Variants in SLC39A11 observed in about 807,000 individuals in gnomAD.
SLC39A11 encodes the protein solute carrier family 39 member 11.
In SLC39A11, 33 loss-of-function variants were observed where a neutral mutation model predicts 36.1. The ratio of observed to expected loss-of-function variants is 0.91; its 90% CI spans 0.69 to 1.22. SLC39A11 has a LOEUF of 1.22. Among genes scored for constraint, SLC39A11 ranks in the 50% most tolerant of loss-of-function variants. The pLI is 0.00. For synonymous variants in SLC39A11, 166 were observed against 170.3 expected (o/e 0.97, Z 0.20); for missense variants, 432 against 430.3 (o/e 1.00, Z -0.03).
intron 5 of SLC39A11, among the ~76,000 whole-genome samples, chr17:72,940,103 C>T (rs1285792150): frequency 6.6e-6 from 1 of 152,190 alleles, no homozygotes; most frequent in Non-Finnish European, 1.5e-5. Context: ...CAGGAGAGAA[C>T]TTCTACACAT....
chr17:72,743,634 C>G lies in SLC39A11; in HGVS notation c.602-6915G>C, dbSNP rs1025478584. 5.7e-4 allele frequency among the ~76,000 whole-genome samples: 86 copies of G among 151,952 alleles called. 1 individual carries two copies. Among genetic ancestry groups the G allele is most frequent in the African/African-American group, 2.0e-3 (81 of 41,362 alleles). The stretch of plus-strand genomic sequence containing the variant: ...CGTGTCTGAAAACAGAGGTGATCCC[C>G]GAGAGCTAAGCTCATGAGAAGGCAG... On this transcript the variant is annotated intron_variant, in intron 6 of 9. Transcript: ENST00000255559.
At chr17:72,771,346 A>C (rs2075933157) in intron 6 of SLC39A11, among the ~76,000 whole-genome samples, 2 of 114,418 alleles carry the variant, frequency 1.7e-5, no homozygotes, top group East Asian at 2.5e-4. Flanking sequence ...ACAGAGCGAG[A>C]CCCTATCTAA....
At chr17:73,017,998 A>T (rs1432798434) in intron 4 of SLC39A11, among the ~76,000 whole-genome samples, 1 of 152,212 alleles carries the variant, frequency 6.6e-6, no homozygotes, top group Non-Finnish European at 1.5e-5. Context: ...TAGTCTTAGC[A>T]AGGAAATCTC....
intron 4 of SLC39A11, among the ~76,000 whole-genome samples, chr17:72,980,143 T>C (rs2148160610): frequency 1.3e-5 from 2 of 152,290 alleles, no homozygotes; most frequent in East Asian, 3.9e-4. Context: ...TGTACAAATC[T>C]CAAAGAATCA....
intron 6 of SLC39A11, among the ~76,000 whole-genome samples, chr17:72,848,725 A>C (rs1443892198): frequency 6.6e-6 from 1 of 151,960 alleles, no homozygotes; most frequent in African/African-American, 2.4e-5. Flanking sequence ...TGTCTTAAAA[A>C]AAAAAAAAGA....
At chr17:72,664,572 C>T (rs564073272) in intron 7 of SLC39A11, among the ~76,000 whole-genome samples, 39 of 152,310 alleles carry the variant, frequency 2.6e-4, no homozygotes, top group African/African-American at 8.7e-4. Context: ...TCCATCATGT[C>T]CTTCCTGGGC....
rs1348629023 is a variant in SLC39A11, at chr17:73,092,624, CCAGCCCCCACTGCACTTCCAT to C, written c.-46_-26del. 6.5e-6 allele frequency: 1 copy of C among 153,090 alleles called. No individual in the cohort carries two copies. Among genetic ancestry groups the C allele is most frequent in the East Asian group, 1.9e-4 (1 of 5,220 alleles). 9.5% of individuals were successfully genotyped at this position (153,090 alleles called of 1,614,324 possible). On this transcript the variant is annotated 5_prime_UTR_variant, in exon 1 of 10. It removes an upstream start codon present in the reference 5' UTR. Transcript: ENST00000255559. Reference sequence around the variant, plus strand: ...AAGCCAACTCACTAGGGTGCCCTCTCCAGCCCCCACTGCACTTCCATCAGCCCCCGCTGCCACTCTCTCGCC... The same window carrying C: ...AAGCCAACTCACTAGGGTGCCCTCTCCAGCCCCCGCTGCCACTCTCTCGCC...
intron 7 of SLC39A11, among the ~76,000 whole-genome samples, chr17:72,649,649 T>TC (rs1414671073): frequency 1.3e-5 from 2 of 150,330 alleles, no homozygotes; most frequent in African/African-American, 2.5e-5. Context: ...TTTTTCTTTT[T>TC]TTTTTTTTTT....
At chr17:72,678,179 C>G (rs542299090) in intron 7 of SLC39A11, among the ~76,000 whole-genome samples, 1 of 152,218 alleles carries the variant, frequency 6.6e-6, no homozygotes, top group African/African-American at 2.4e-5. Context: ...ATGCCCGTTC[C>G]GCTCACAAAA....
chr17:72,825,964 C>T (rs575084377), intron 6 of SLC39A11, among the ~76,000 whole-genome samples: 37 of 152,242 alleles, frequency 2.4e-4, no homozygotes, highest in African/African-American at 8.2e-4. Flanking sequence ...TGAGTTAAAG[C>T]TGGAATGAGT....
intron 5 of SLC39A11, among the ~76,000 whole-genome samples, chr17:72,889,721 G>A (rs2081627987): frequency 6.6e-6 from 1 of 152,162 alleles, no homozygotes; most frequent in Non-Finnish European, 1.5e-5. Context: ...AGATTTGGCT[G>A]TTGCATAATC....
chr17:72,983,055 C>G (rs1038130120), intron 4 of SLC39A11, among the ~76,000 whole-genome samples: 1 of 152,144 alleles, frequency 6.6e-6, no homozygotes, highest in Non-Finnish European at 1.5e-5. Context: ...TCAAAATGCC[C>G]CTCAACAGGG....
intron 3 of SLC39A11, among the ~76,000 whole-genome samples, chr17:73,041,008 AC>A (rs1472840313): frequency 7.1e-6 from 1 of 140,912 alleles, no homozygotes; most frequent in Non-Finnish European, 1.5e-5. Flanking sequence ...AAAACAAAAA[AC>A]AAAAAAAAAA....
chr17:73,090,957 T>A (rs948204164), intron 1 of SLC39A11, among the ~76,000 whole-genome samples: 3 of 152,164 alleles, frequency 2.0e-5, no homozygotes, highest in African/African-American at 7.2e-5. Context: ...ATTTGCTGTT[T>A]TAAATCCTCG....
intron 5 of SLC39A11, among the ~76,000 whole-genome samples, chr17:72,898,345 C>T (rs926262447): frequency 2.6e-5 from 4 of 152,182 alleles, no homozygotes; most frequent in Non-Finnish European, 4.4e-5. Flanking sequence ...TTCAGGCCTC[C>T]CGGCGCATCC....
intron 7 of SLC39A11, among the ~76,000 whole-genome samples, chr17:72,671,421 C>T (rs904784243): frequency 1.3e-5 from 2 of 152,146 alleles, no homozygotes; most frequent in African/African-American, 4.8e-5. Context: ...ACCACACATA[C>T]AAAAATAGCT....
chr17:72,794,996 G>T (rs2076848295), intron 6 of SLC39A11, among the ~76,000 whole-genome samples: 1 of 152,108 alleles, frequency 6.6e-6, no homozygotes, highest in Non-Finnish European at 1.5e-5. Context: ...GACTGTGAAA[G>T]AAGATTCTAT....
chr17:72,784,672 A>C (rs2076442102), intron 6 of SLC39A11, among the ~76,000 whole-genome samples: 2 of 151,960 alleles, frequency 1.3e-5, no homozygotes, highest in South Asian at 2.1e-4. Context: ...GTTGTTTAAA[A>C]GTGTGTAGAA....
intron 5 of SLC39A11, among the ~76,000 whole-genome samples, chr17:72,861,413 T>C (rs910848647): frequency 6.6e-6 from 1 of 152,014 alleles, no homozygotes; most frequent in African/African-American, 2.4e-5. Context: ...TATTTTTAAA[T>C]AGTGGATGCA....
Sources: allele counts gnomAD v4.1 joint callset (sites outside exome capture counted in the v4.1 genomes callset), GRCh38; gene constraint gnomAD v4.1.1; transcripts MANE v1.5; gene names NCBI Gene and HGNC (gene_info 2026-07-23, HGNC 2026-07-21).